NIPSNAP2: variants seen among roughly 807,000 people sequenced by gnomAD.
NIPSNAP2 encodes protein NipSnap homolog 2.
In NIPSNAP2, 42 loss-of-function variants were observed where a neutral mutation model predicts 48.4. The observed-to-expected ratio is 0.87, with a 90% CI of 0.68 to 1.12. The LOEUF is 1.12. NIPSNAP2 is among the 50% of genes most tolerant of loss of function. The pLI is 0.00. For missense variants in NIPSNAP2, 314 were observed against 347.3 expected (o/e 0.90, Z 0.76); for synonymous variants, 158 against 126.6 (o/e 1.25, Z -1.67).
At chr7:55,967,299 C>T (rs908609489) in intron 1 of NIPSNAP2, among the ~76,000 whole-genome samples, 1 of 152,232 alleles carries the variant, frequency 6.6e-6, no homozygotes, top group Non-Finnish European at 1.5e-5. Flanking sequence ...CCAAGCCCAT[C>T]CCTCTTTTTC....
At chr7:55,995,098 C>T (rs564025304) in intron 8 of NIPSNAP2, 110 bp downstream of exon 8, 53 of 869,994 alleles carry the variant, frequency 6.1e-5, no homozygotes, top group South Asian at 1.8e-4. Context: ...ACAGCAAATC[C>T]GACGTCACAG....
chr7:55,974,494 T>C (rs560713036), intron 1 of NIPSNAP2, among the ~76,000 whole-genome samples: 1 of 152,094 alleles, frequency 6.6e-6, no homozygotes, highest in East Asian at 1.9e-4. Context: ...TTTCTTTTCC[T>C]CTTAATGTTT....
chr7:55,973,610 G>A (rs933694748), intron 1 of NIPSNAP2, among the ~76,000 whole-genome samples: 1 of 151,798 alleles, frequency 6.6e-6, no homozygotes, highest in African/African-American at 2.4e-5. Context: ...GAGTAGCTGG[G>A]ATCACAGGCG....
intron 7 of NIPSNAP2, among the ~76,000 whole-genome samples, chr7:55,986,229 A>G (rs1160692142): frequency 6.6e-6 from 1 of 150,828 alleles, no homozygotes; most frequent in Non-Finnish European, 1.5e-5. Flanking sequence ...TTAACCGGGC[A>G]TGGTGGCACA....
At chr7:55,983,645 T>C in intron 5 of NIPSNAP2, 83 bp from the exon 6 acceptor site, 1 of 1,421,432 alleles carries the variant, frequency 7.0e-7, no homozygotes, top group Non-Finnish European at 9.8e-7. Context: ...TATTATAGTA[T>C]TCTGTAGGAA....
intron 1 of NIPSNAP2, among the ~76,000 whole-genome samples, chr7:55,972,308 C>CAAA (rs139960312): frequency 2.1e-5 from 3 of 141,294 alleles, no homozygotes; most frequent in African/African-American, 5.3e-5. Context: ...GACTCTGTCT[C>CAAA]AAAAAAAAAA....
chr7:55,975,778 C>G (rs1166416970), intron 1 of NIPSNAP2, among the ~76,000 whole-genome samples: 3 of 152,186 alleles, frequency 2.0e-5, no homozygotes, highest in Non-Finnish European at 4.4e-5. Flanking sequence ...TGGCTCACAC[C>G]TATAATCCCA....
Position 55,982,708 on chromosome 7 carries a change from C to T in NIPSNAP2, c.444+428C>T, listed in dbSNP as rs182100086. 9.4e-3 allele frequency among the ~76,000 whole-genome samples: 1,407 copies of T among 150,410 alleles called. 18 individuals carry two copies. Among genetic ancestry groups the T allele is most frequent in the African/African-American group, 0.033 (1,335 of 40,850 alleles). On this transcript the variant is annotated intron_variant, in intron 5 of 9. Coordinates refer to ENST00000322090, the MANE Select transcript of NIPSNAP2 (RefSeq NM_001483.3). ...TGGAGCTTGCAGTGAGCTGAGATTG[C>T]GCCACTGTACTCCAGCCTGGGCGAC...
intron 6 of NIPSNAP2, 82 bp downstream of exon 6, chr7:55,983,950 T>C: frequency 7.8e-7 from 1 of 1,277,212 alleles, no homozygotes. Flanking sequence ...ACAGAACTTG[T>C]GTGTACATTC....
At chr7:55,973,120 T>C (rs1787045254) in intron 1 of NIPSNAP2, among the ~76,000 whole-genome samples, 2 of 151,618 alleles carry the variant, frequency 1.3e-5, no homozygotes, top group South Asian at 4.2e-4. Flanking sequence ...AAAAAAAAAA[T>C]ACAGAAGAGA....
Sources: gnomAD v4.1 joint callset for allele counts (sites outside exome capture counted in the v4.1 genomes callset) on GRCh38, gnomAD v4.1.1 for gene constraint, MANE v1.5 for transcripts, NCBI Gene and HGNC (gene_info 2026-07-23, HGNC 2026-07-21) for gene names.